LMLN: variants seen among roughly 807,000 people sequenced by gnomAD.
The protein encoded by LMLN is leishmanolysin-like peptidase.
Under a neutral mutation model 92.3 loss-of-function variants are expected in LMLN, and 70 were observed. The ratio of observed to expected loss-of-function variants is 0.76; its 90% CI spans 0.63 to 0.92. The LOEUF is 0.92. LMLN is among the 40% of genes least tolerant of loss of function. The pLI, the probability that LMLN is intolerant of heterozygous loss-of-function variation, is 0.00. For synonymous variants in LMLN, 308 were observed against 296.2 expected, an observed-to-expected ratio of 1.04 and a Z score of -0.41; for missense variants, 691 against 814.6, an observed-to-expected ratio of 0.85 and a Z score of 1.85.
At chr3:197,967,675 G>A (rs917076697) in intron 1 of LMLN, among the ~76,000 whole-genome samples, 11 of 152,134 alleles carry the variant, frequency 7.2e-5, no homozygotes, top group South Asian at 2.1e-4. Flanking sequence ...GCAGAGAACC[G>A]GTCTGACCTC....
chr3:198,008,271 T>A (rs533151042), intron 11 of LMLN, among the ~76,000 whole-genome samples: 53 of 152,338 alleles, frequency 3.5e-4, no homozygotes, highest in Non-Finnish European at 5.4e-4. Context: ...TTAAACTTGA[T>A]CTTTTTCAAA....
At chr3:197,967,705 T>A (rs1721097602) in intron 1 of LMLN, among the ~76,000 whole-genome samples, 1 of 152,034 alleles carries the variant, frequency 6.6e-6, no homozygotes. Context: ...AGGGTGGGGT[T>A]TTTTCCCCAC....
At chr3:197,988,179 T>C (rs1336704647) in intron 8 of LMLN, among the ~76,000 whole-genome samples, 1 of 151,802 alleles carries the variant, frequency 6.6e-6, no homozygotes, top group Non-Finnish European at 1.5e-5. Flanking sequence ...AGATGGAGTC[T>C]CACTATATTG....
chr3:197,972,073 A>AT (rs549889818), intron 1 of LMLN, among the ~76,000 whole-genome samples: 50 of 139,116 alleles, frequency 3.6e-4, no homozygotes, highest in South Asian at 6.8e-4. Context: ...TTTCTAGTGA[A>AT]TTTTTTTTTT....
intron 8 of LMLN, among the ~76,000 whole-genome samples, chr3:197,986,175 C>T (rs973748374): frequency 6.6e-6 from 1 of 152,120 alleles, no homozygotes; most frequent in Non-Finnish European, 1.5e-5. Flanking sequence ...AGCATCAAAC[C>T]TTCCGGCCAG....
At chr3:197,978,029 C>A (rs112940753) in intron 5 of LMLN, among the ~76,000 whole-genome samples, 72 of 110,070 alleles carry the variant, frequency 6.5e-4, no homozygotes, top group Middle Eastern at 7.4e-3. Flanking sequence ...ATCATCAAAC[C>A]ATCTGGAAGT....
At chr3:197,992,666 C>T (rs1346730977) in intron 9 of LMLN, among the ~76,000 whole-genome samples, 1 of 152,022 alleles carries the variant, frequency 6.6e-6, no homozygotes, top group Non-Finnish European at 1.5e-5. Flanking sequence ...CAAAGAGAAG[C>T]CCAGGACCAG....
intron 9 of LMLN, among the ~76,000 whole-genome samples, chr3:197,992,004 G>T (rs9845817): frequency 2.0e-5 from 3 of 150,256 alleles, no homozygotes; most frequent in Non-Finnish European, 4.4e-5. Flanking sequence ...TGGAATTACA[G>T]GCTCCCACCA....
chr3:197,983,769 A>G (rs1353329251), intron 6 of LMLN, among the ~76,000 whole-genome samples, 174 bp from the exon 7 acceptor site: 2 of 152,216 alleles, frequency 1.3e-5, no homozygotes, highest in African/African-American at 4.8e-5. Context: ...TTGATTTGCC[A>G]TGCCATAGGA....
intron 11 of LMLN, among the ~76,000 whole-genome samples, chr3:198,014,653 CAG>C (rs1722565239): frequency 7.3e-6 from 1 of 137,740 alleles, no homozygotes; most frequent in Admixed American, 7.1e-5. Flanking sequence ...CTCCACCCTT[CAG>C]AGTCCCCTTA....
chr3:198,016,385 A>G (rs1581171764), intron 11 of LMLN, among the ~76,000 whole-genome samples: 1 of 152,082 alleles, frequency 6.6e-6, no homozygotes, highest in African/African-American at 2.4e-5. Context: ...CCAGCTTGTT[A>G]CCCCTGCACT....
intron 10 of LMLN, among the ~76,000 whole-genome samples, chr3:197,997,720 G>T (rs1334622123): frequency 6.6e-6 from 1 of 152,296 alleles, no homozygotes; most frequent in Middle Eastern, 3.4e-3. Context: ...GTGATTCCTT[G>T]TTATACTGAT....
At chr3:198,014,995 G>A (rs13100674) in intron 11 of LMLN, among the ~76,000 whole-genome samples, 2 of 54,428 alleles carry the variant, frequency 3.7e-5, no homozygotes, top group African/African-American at 8.6e-5. Context: ...TTCAGAGCCC[G>A]CTAACTAGTC....
At chr3:198,014,773 C>A (rs557054470) in intron 11 of LMLN, among the ~76,000 whole-genome samples, 1,983 of 135,046 alleles carry the variant, frequency 0.015, 9 homozygotes, top group Non-Finnish European at 0.024. Flanking sequence ...TTCAGAGCCC[C>A]CTAACTAGTC....
chr3:197,980,622 C>G (rs1560137635), intron 6 of LMLN, 118 bp downstream of exon 6: 1 of 947,010 alleles, frequency 1.1e-6, no homozygotes, highest in Non-Finnish European at 1.6e-6. Flanking sequence ...CTCTGGTAGA[C>G]AGGAATAGCA....
chr3:197,971,944 C>CTTTTTTTTTTTTTTTTTTTTTTTTGTTT (rs756710031), intron 1 of LMLN, among the ~76,000 whole-genome samples: 1 of 81,218 alleles, frequency 1.2e-5, no homozygotes, highest in Non-Finnish European at 2.4e-5. Flanking sequence ...AGTCTCTGTT[C>CTTTTTTTTTTTTTTTTTTTTTTTTGTTT]TTTTTTTTTT....
intron 6 of LMLN, among the ~76,000 whole-genome samples, chr3:197,982,223 C>CTTTTTTT (rs1241377836): frequency 8.6e-6 from 1 of 116,540 alleles, no homozygotes; most frequent in Non-Finnish European, 1.7e-5. Context: ...CAGTTACCTT[C>CTTTTTTT]TTTTTTTTTT....
intron 11 of LMLN, among the ~76,000 whole-genome samples, chr3:198,008,309 T>A (rs1429920940): frequency 1.3e-5 from 2 of 152,184 alleles, no homozygotes; most frequent in Admixed American, 1.3e-4. Flanking sequence ...AACAGGTATA[T>A]CCTTCCAGTA....
At chr3:198,032,270 C>T (rs541939681) in intron 14 of LMLN, among the ~76,000 whole-genome samples, 3 of 152,160 alleles carry the variant, frequency 2.0e-5, no homozygotes, top group South Asian at 2.1e-4. Context: ...GCCAGTGACC[C>T]GCCTAAGTTT....
Sources: allele counts gnomAD v4.1 joint callset (sites outside exome capture counted in the v4.1 genomes callset), GRCh38; gene constraint gnomAD v4.1.1; transcripts MANE v1.5; gene names NCBI Gene and HGNC (gene_info 2026-07-23, HGNC 2026-07-21).